TMEM41B: variants seen among roughly 807,000 people sequenced by gnomAD.
The protein encoded by TMEM41B is transmembrane protein 41B.
A neutral mutation model predicts 31.9 loss-of-function variants in TMEM41B; 18 were observed. The observed-to-expected ratio is 0.56, with a 90% CI of 0.39 to 0.84. The LOEUF (loss-of-function observed/expected upper bound fraction) is 0.84. Ranked by LOEUF, TMEM41B falls within the 40% of genes least tolerant of loss-of-function variation. The pLI is 0.00. For missense variants in TMEM41B, 322 were observed against 348.0 expected, an observed-to-expected ratio of 0.93 and a Z score of 0.59; for synonymous variants, 144 against 124.3, an observed-to-expected ratio of 1.16 and a Z score of -1.05.
intron 5 of TMEM41B, 120 bp from the exon 6 acceptor site, chr11:9,286,713 T>C (rs1852845248): frequency 1.2e-5 from 13 of 1,075,952 alleles, no homozygotes; most frequent in Non-Finnish European, 1.6e-5. Context: ...CCAATAGAAA[T>C]GATCAGGCTG....
chr11:9,305,396 C>T (rs1853364431), intron 1 of TMEM41B, among the ~76,000 whole-genome samples: 1 of 151,990 alleles, frequency 6.6e-6, no homozygotes, highest in Admixed American at 6.6e-5. Context: ...GTCAAGGGTT[C>T]GAGACCAGCC....
intron 1 of TMEM41B, chr11:9,311,174 G>C (rs934279879): frequency 1.6e-6 from 2 of 1,268,972 alleles, no homozygotes; most frequent in African/African-American, 1.5e-5. Flanking sequence ...CGGGGGTAGG[G>C]TGTGGGGAGC....
intron 1 of TMEM41B, chr11:9,311,404 G>C: frequency 2.1e-6 from 3 of 1,413,206 alleles, no homozygotes; most frequent in Non-Finnish European, 3.0e-6. Context: ...ACCATGCCAG[G>C]AGCCAAGGGA....
At chr11:9,296,546 A>G (rs1853090696) in intron 2 of TMEM41B, among the ~76,000 whole-genome samples, 1 of 150,724 alleles carries the variant, frequency 6.6e-6, no homozygotes, top group African/African-American at 2.5e-5. Flanking sequence ...CAATCACTTG[A>G]ACCCGGGAGG....
Position 9,301,778 on chromosome 11 carries a change from T to C in TMEM41B, c.122-2077A>G, listed in dbSNP as rs553905668. Among the ~76,000 whole-genome samples, 5 of 152,248 alleles carry C rather than the reference T, an allele frequency of 3.3e-5. No homozygotes were observed. In the South Asian group the frequency reaches 8.3e-4, roughly 25 times the overall value. ...AGAGATACTGGTTGTCAAGCGATAG[T>C]GGGACTTGGAGCTAAAAGGTTAAAT... On this transcript the variant is annotated intron_variant, in intron 1 of 6. Coordinates refer to ENST00000528080, the MANE Select transcript of TMEM41B (RefSeq NM_015012.4).
chr11:9,310,735 G>C (rs1201462626), intron 1 of TMEM41B, among the ~76,000 whole-genome samples: 3 of 144,204 alleles, frequency 2.1e-5, no homozygotes, highest in Admixed American at 7.2e-5. Context: ...AATAGGACCT[G>C]AGATAGCATA....
In TMEM41B at chr11:9,281,541, C is replaced by A. The variant is rs1267732568; in HGVS notation, c.*1883G>T. 1 of 152,190 alleles carries A rather than the reference C, an allele frequency of 6.6e-6. No homozygotes were observed. Among genetic ancestry groups the A allele is most frequent in the African/African-American group, 2.4e-5 (1 of 41,452 alleles). The allele number at this position is 152,190 out of a possible 1,614,324, so 9.4% of individuals were successfully genotyped here. On this transcript the variant is annotated 3_prime_UTR_variant, in exon 7 of 7. Coordinates refer to ENST00000528080, the MANE Select transcript of TMEM41B (RefSeq NM_015012.4). ...AATAAAAACATACAAGGATTTCTCACAGCTAAAGTACTTTTCAACTTTGAC... is the reference window on the plus strand; with the variant it reads ...AATAAAAACATACAAGGATTTCTCAAAGCTAAAGTACTTTTCAACTTTGAC...
At chr11:9,301,090 T>C (rs770866358) in intron 1 of TMEM41B, among the ~76,000 whole-genome samples, 42 of 151,826 alleles carry the variant, frequency 2.8e-4, no homozygotes, top group Admixed American at 5.3e-4. Flanking sequence ...TACTCAAGAG[T>C]ATTTAAAAAT....
chr11:9,296,332 A>G lies in TMEM41B; in HGVS notation c.240-945T>C, dbSNP rs951692960. On this transcript the variant is annotated intron_variant, in intron 2 of 6. Transcript: ENST00000528080. ...ACAAATTTTAACTTGAATATAAGAA[A>G]TGAACCACTGGCCAGGCACATGGTG... Among the ~76,000 whole-genome samples, 26 of 152,052 alleles carry G rather than the reference A, an allele frequency of 1.7e-4. 1 individual carries two copies. Among genetic ancestry groups the G allele is most frequent in the Non-Finnish European group, 7.4e-5 (5 of 67,996 alleles).
At chr11:9,310,652 G>GC (rs1853536341) in intron 1 of TMEM41B, among the ~76,000 whole-genome samples, 1 of 114,114 alleles carries the variant, frequency 8.8e-6, no homozygotes, top group South Asian at 3.2e-4. Context: ...TAGGTTAAGA[G>GC]CCCTTTTTTT....
Position 9,283,607 on chromosome 11 carries a change from TAA to T in TMEM41B, c.707-16_707-15del, listed in dbSNP as rs1031781492. On this transcript the variant is annotated splice_polypyrimidine_tract_variant and intron_variant, in intron 6 of 6. Transcript: ENST00000528080. ...GAGGTGCGACACCTGAAATAAAATA[TAA>T]AAAGATACAGTAAAAACCACCGCAA... The T allele has an allele frequency of 4.4e-6, 7 of 1,593,294 alleles. No individual in the cohort carries two copies. In the African/African-American group the frequency reaches 6.8e-5, roughly 15 times the overall value.
At position 9,283,435 on chromosome 11, in the gene TMEM41B, T is replaced by C; in HGVS notation, c.865A>G (p.Lys289Glu). 1.2e-6 allele frequency: 2 copies of C among 1,605,170 alleles called. No homozygotes were observed. The highest frequency in any genetic ancestry group is 1.7e-6 in the Non-Finnish European group (2 of 1,176,904). Residue 289 changes from lysine to glutamate, a missense_variant, in exon 7 of 7, where the codon AAA becomes GAA. Physicochemically the swap from Lys to Glu is moderately conservative, Grantham distance 56 (BLOSUM62 1). Transcript: ENST00000528080. ...TCAGATGATTATTTTTACTCAAATT[T>C]CTGCTTTAGTTTTTTTTGGAAGATG... ...PAIFQKKLKQKFE is the reference protein window; with the variant it reads ...PAIFQKKLKQEFE
chr11:9,297,010 T>C (rs569852305), intron 2 of TMEM41B, among the ~76,000 whole-genome samples: 1 of 152,226 alleles, frequency 6.6e-6, no homozygotes, highest in South Asian at 2.1e-4. Context: ...ATTACCTCCA[T>C]CTCCTAGGTT....
chr11:9,291,608 G>A (rs1215984031), intron 3 of TMEM41B, among the ~76,000 whole-genome samples: 1 of 151,804 alleles, frequency 6.6e-6, no homozygotes, highest in Non-Finnish European at 1.5e-5. Flanking sequence ...CACCATGTTG[G>A]CCAGGATAGT....
At chr11:9,289,577 G>C (rs1852908768) in intron 3 of TMEM41B, among the ~76,000 whole-genome samples, 1 of 152,016 alleles carries the variant, frequency 6.6e-6, no homozygotes, top group African/African-American at 2.4e-5. Context: ...CTACTCAGTT[G>C]TCTATAACTT....
chr11:9,314,378 C>T lies in TMEM41B; in HGVS notation c.64G>A (p.Asp22Asn). 14 of 1,580,182 alleles carry T rather than the reference C, an allele frequency of 8.9e-6. No individual in the cohort carries two copies. Among genetic ancestry groups the T allele is most frequent in the Non-Finnish European group, 1.1e-5 (13 of 1,163,824 alleles). ...AGACCCCGCGTCCCCGCTGCCCCGTCCCCCACGGGGGTCGTGTGGTGAGCG... is the reference window on the plus strand; with the variant it reads ...AGACCCCGCGTCCCCGCTGCCCCGTTCCCCACGGGGGTCGTGTGGTGAGCG... ...LGAHHTTPVG[D>N]GAAGTRGLAA... The change falls in exon 1 of 7, where the codon GAC (aspartate) becomes AAC (asparagine). Residue 22 changes from aspartate (D) to asparagine (N), a missense_variant. Asp to Asn is a conservative substitution (Grantham distance 23, BLOSUM62 1). Around this residue, in one of 3 missense-constraint regions of TMEM41B, gnomAD observed 183 missense variants for 175.3 expected, o/e 1.04. Transcript: ENST00000528080.
intron 1 of TMEM41B, among the ~76,000 whole-genome samples, chr11:9,306,382 G>A (rs117138617): frequency 1.1e-3 from 160 of 152,128 alleles, no homozygotes; most frequent in Non-Finnish European, 1.7e-3. Flanking sequence ...CAAAGGTACT[G>A]TTATAGAAAG....
At chr11:9,292,171 A>G (rs890863433) in intron 3 of TMEM41B, among the ~76,000 whole-genome samples, 5 of 152,188 alleles carry the variant, frequency 3.3e-5, no homozygotes, top group African/African-American at 1.2e-4. Context: ...CTTTCTTTCA[A>G]TTTACTGAAG....
intron 1 of TMEM41B, among the ~76,000 whole-genome samples, chr11:9,305,894 T>C (rs1053763240): frequency 1.2e-4 from 18 of 151,978 alleles, no homozygotes; most frequent in South Asian, 2.1e-4. Context: ...TCTAAATTTA[T>C]AGTATACACA....
Sources: allele counts gnomAD v4.1 joint callset (sites outside exome capture counted in the v4.1 genomes callset), GRCh38; gene constraint gnomAD v4.1.1; regional missense constraint gnomAD v4.1.1; transcripts MANE v1.5; gene names NCBI Gene and HGNC (gene_info 2026-07-23, HGNC 2026-07-21).